The following COL6A5 variants were observed in gnomAD, a reference collection of about 807,000 sequenced individuals.
COL6A5 encodes collagen alpha-5(VI) chain.
In COL6A5, 48 loss-of-function variants were observed where a neutral mutation model predicts 65.6. The observed-to-expected ratio is 0.73, with a 90% confidence interval of 0.58 to 0.93. COL6A5 has a LOEUF of 0.93. COL6A5 is among the 40% of genes least tolerant of loss of function. The probability of loss-of-function intolerance (pLI) is 0.00; values close to 1 mark genes in which losing one functional copy is unlikely to be tolerated. For missense variants in COL6A5, 914 were observed against 928.3 expected (o/e 0.98, Z 0.20); for synonymous variants, 291 against 322.8 (o/e 0.90, Z 1.05).
chr3:130,409,259 T>C (rs991640785), intron 17 of COL6A5, 67 bp from the exon 18 acceptor site: 1 of 1,274,462 alleles, frequency 7.8e-7, no homozygotes, highest in Non-Finnish European at 1.1e-6. Flanking sequence ...CATACAAAAC[T>C]TCACACTTAA....
chr3:130,371,783 C>G (rs1407161749), intron 1 of COL6A5, among the ~76,000 whole-genome samples: 1 of 152,064 alleles, frequency 6.6e-6, no homozygotes, highest in Admixed American at 6.6e-5. Context: ...AGATATGACA[C>G]TAAAAGCACT....
At chr3:130,454,298 G>A (rs569253571) in intron 4 of COL6A5, among the ~76,000 whole-genome samples, 1 of 152,228 alleles carries the variant, frequency 6.6e-6, no homozygotes, top group Admixed American at 6.5e-5. Flanking sequence ...GCAGAAGAAC[G>A]TCTACATGCA....
chr3:130,393,115 G>C (rs1936461586), intron 7 of COL6A5, among the ~76,000 whole-genome samples: 2 of 150,410 alleles, frequency 1.3e-5, no homozygotes, highest in Admixed American at 1.3e-4. Context: ...TTTCTTGGAG[G>C]CCTCCCTGTG....
Position 130,469,062 on chromosome 3 carries a change from GC to G in COL6A5, c.1815del (p.Pro606LeufsTer17), listed in dbSNP as rs772499764. 2 of 1,612,942 alleles carry G rather than the reference GC, an allele frequency of 1.2e-6. No individual in the cohort carries two copies. Among genetic ancestry groups the G allele is most frequent in the South Asian group, 2.2e-5 (2 of 91,040 alleles). ...GGCTATATGCCTAACACTGAAGAAT[GC>G]CCTGTCTACCTGGAATTTGATTTGG... On this transcript the variant is annotated frameshift_variant, in exon 6 of 8. Coordinates refer to ENST00000512836, the Ensembl canonical transcript of COL6A5. LOFTEE classifies it high-confidence loss of function.
intron 3 of COL6A5, among the ~76,000 whole-genome samples, chr3:130,441,635 C>A (rs753168146): frequency 6.6e-6 from 1 of 152,092 alleles, no homozygotes; most frequent in African/African-American, 2.4e-5. Context: ...TCTTCTAGAG[C>A]AATTGTTCTC....
intron 7 of COL6A5, among the ~76,000 whole-genome samples, chr3:130,481,828 G>A (rs1710250960): frequency 6.6e-6 from 1 of 151,898 alleles, no homozygotes; most frequent in Non-Finnish European, 1.5e-5. Flanking sequence ...TTTGTTTGTT[G>A]GCTGCATAAA....
chr3:130,472,479 A>G (rs962394192), intron 7 of COL6A5, among the ~76,000 whole-genome samples: 19 of 151,998 alleles, frequency 1.3e-4, no homozygotes, highest in Admixed American at 1.3e-4. Context: ...CAGGAGATGG[A>G]CAGCCGGAAG....
chr3:130,376,806 A>G (rs1190447272), exon 3 of COL6A5: 4 of 1,613,300 alleles, frequency 2.5e-6, no homozygotes, highest in East Asian at 2.2e-5. Context: ...AACCAAGTAT[A>G]AGGAGGGAGC....
In COL6A5 at chr3:130,373,608, C is replaced by T. The variant is rs772797627; in HGVS notation, c.-28-3C>T. On this transcript the variant is annotated splice_region_variant and splice_polypyrimidine_tract_variant and intron_variant and NMD_transcript_variant, in intron 1 of 41. Transcript: ENST00000312481. ...TCATAATGTAAATAATTTTCTTTTGCAGAACAAAAGTAAAAATCTTCACTA... is the reference window on the plus strand; with the variant it reads ...TCATAATGTAAATAATTTTCTTTTGTAGAACAAAAGTAAAAATCTTCACTA... 2.2e-6 allele frequency: 3 copies of T among 1,338,140 alleles called. No individual in the cohort carries two copies. Among genetic ancestry groups the T allele is most frequent in the Non-Finnish European group, 2.1e-6 (2 of 963,830 alleles). The allele number at this position is 1,338,140 out of a possible 1,614,324, so 82.9% of individuals were successfully genotyped here.
chr3:130,429,895 T>A (rs190818295), upstream of COL6A5, among the ~76,000 whole-genome samples: 1 of 152,300 alleles, frequency 6.6e-6, no homozygotes, highest in Admixed American at 6.5e-5. Context: ...TGTTGCTCTG[T>A]CTGCTGCTGA....
intron 1 of COL6A5, among the ~76,000 whole-genome samples, chr3:130,358,495 A>G (rs1047729972): frequency 6.6e-6 from 1 of 152,216 alleles, no homozygotes; most frequent in Non-Finnish European, 1.5e-5. Flanking sequence ...TTCATAATAT[A>G]TCAAGAGCAC....
At chr3:130,362,252 TTC>T (rs373519002) in intron 1 of COL6A5, among the ~76,000 whole-genome samples, 4 of 114,362 alleles carry the variant, frequency 3.5e-5, no homozygotes, top group Admixed American at 9.3e-5. Context: ...TAAGGTTTCT[TTC>T]TCTCTCTCTC....
intron 13 of COL6A5, among the ~76,000 whole-genome samples, 174 bp downstream of exon 13, chr3:130,403,836 G>T (rs1936897430): frequency 6.6e-6 from 1 of 152,026 alleles, no homozygotes. Context: ...TGTTTATTTT[G>T]TTTATATGTT....
intron 2 of COL6A5, among the ~76,000 whole-genome samples, 175 bp from the exon 35 acceptor site, chr3:130,439,991 C>T (rs962352942): frequency 1.3e-5 from 2 of 151,982 alleles, no homozygotes; most frequent in East Asian, 1.9e-4. Flanking sequence ...TGCTAGTGCC[C>T]GGAGAAGTAC....
intron 4 of COL6A5, among the ~76,000 whole-genome samples, chr3:130,454,115 TA>T (rs1167348642): frequency 6.6e-6 from 1 of 152,210 alleles, no homozygotes; most frequent in African/African-American, 2.4e-5. Context: ...TTATAGTTCT[TA>T]TGCAGCTGTT....
At chr3:130,451,558 G>T (rs964118488) in intron 4 of COL6A5, among the ~76,000 whole-genome samples, 1 of 152,076 alleles carries the variant, frequency 6.6e-6, no homozygotes, top group African/African-American at 2.4e-5. Context: ...TTGTACTTTG[G>T]TCCCAGAGCC....
At chr3:130,428,388 T>G (rs1937655145), upstream of COL6A5, among the ~76,000 whole-genome samples, 1 of 152,044 alleles carries the variant, frequency 6.6e-6, no homozygotes, top group African/African-American at 2.4e-5. Flanking sequence ...AGGCTGAGAC[T>G]GTCTTTGGAA....
At chr3:130,413,859 C>T (rs1937258795) in intron 21 of COL6A5, among the ~76,000 whole-genome samples, 2 of 151,666 alleles carry the variant, frequency 1.3e-5, no homozygotes, top group Admixed American at 6.6e-5. Flanking sequence ...TGGGAATCAA[C>T]TTCAAGAGAG....
At position 130,379,399 on chromosome 3, in the gene COL6A5, A is replaced by G; in HGVS notation, c.668-19A>G. 3 of 1,541,964 alleles carry G rather than the reference A, an allele frequency of 1.9e-6. No homozygotes were observed. Among genetic ancestry groups the G allele is most frequent in the South Asian group, 2.4e-5 (2 of 82,372 alleles). ...GCCAGTGGTTTATACTAATCCTCAC[A>G]CATTTTCTGTCTGCATAGTTCACTT... On this transcript the variant is annotated intron_variant and NMD_transcript_variant, in intron 3 of 41. Coordinates refer to the COL6A5 transcript ENST00000312481.
Sources: allele counts gnomAD v4.1 joint callset (sites outside exome capture counted in the v4.1 genomes callset), GRCh38; gene constraint gnomAD v4.1.1; transcripts MANE v1.5; gene names NCBI Gene and HGNC (gene_info 2026-07-23, HGNC 2026-07-21).